The following IMMP2L variants were observed in gnomAD, a reference collection of about 807,000 sequenced individuals.
The protein encoded by IMMP2L is inner mitochondrial membrane peptidase subunit 2, also known as mitochondrial inner membrane protease subunit 2.
In IMMP2L, 18 loss-of-function variants were observed where a neutral mutation model predicts 19.3. The observed-to-expected ratio is 0.93, with a 90% confidence interval of 0.64 to 1.38. The LOEUF (loss-of-function observed/expected upper bound fraction) is 1.38. IMMP2L is among the 40% of genes most tolerant of loss of function. The pLI is 0.00. For synonymous variants in IMMP2L, 76 were observed against 73.0 expected (o/e 1.04, Z -0.21); for missense variants, 233 against 218.2 (o/e 1.07, Z -0.43).
At chr7:111,511,793 A>G (rs538363173) in intron 2 of IMMP2L, among the ~76,000 whole-genome samples, 1 of 151,984 alleles carries the variant, frequency 6.6e-6, no homozygotes, top group Non-Finnish European at 1.5e-5. Flanking sequence ...ACCCCACCCC[A>G]TCCCCCAACA....
At chr7:110,874,661 A>G (rs2129544212) in intron 5 of IMMP2L, among the ~76,000 whole-genome samples, 1 of 152,268 alleles carries the variant, frequency 6.6e-6, no homozygotes, top group South Asian at 2.1e-4. Flanking sequence ...TGACTATAAT[A>G]ACATCAGAAC....
chr7:111,158,673 G>A (rs761026168), intron 3 of IMMP2L, among the ~76,000 whole-genome samples: 55 of 152,070 alleles, frequency 3.6e-4, no homozygotes, highest in Non-Finnish European at 7.4e-4. Context: ...TTGCATATAC[G>A]TTTTTTCAAA....
At chr7:110,907,805 C>T (rs770983432) in intron 4 of IMMP2L, among the ~76,000 whole-genome samples, 2 of 152,078 alleles carry the variant, frequency 1.3e-5, no homozygotes, top group Non-Finnish European at 2.9e-5. Context: ...TGAAGGAGTA[C>T]TCAGATTTGC....
At chr7:111,399,904 G>A (rs1442343733) in intron 3 of IMMP2L, among the ~76,000 whole-genome samples, 1 of 152,056 alleles carries the variant, frequency 6.6e-6, no homozygotes, top group East Asian at 1.9e-4. Flanking sequence ...ATTATAAAGA[G>A]TAGTTTGACG....
intron 3 of IMMP2L, among the ~76,000 whole-genome samples, chr7:111,165,014 C>T (rs992557925): frequency 6.6e-6 from 1 of 151,966 alleles, no homozygotes; most frequent in Non-Finnish European, 1.5e-5. Flanking sequence ...CATTCATATC[C>T]AGAACTTTTT....
intron 3 of IMMP2L, among the ~76,000 whole-genome samples, chr7:111,136,426 T>C (rs1802353201): frequency 6.7e-6 from 1 of 148,188 alleles, no homozygotes; most frequent in Admixed American, 6.6e-5. Context: ...AATTCTATTT[T>C]AGAAATAAAA....
At chr7:111,316,845 C>CTTTTTTTTTTTTTTT (rs869155077) in intron 3 of IMMP2L, among the ~76,000 whole-genome samples, 11 of 75,890 alleles carry the variant, frequency 1.4e-4, no homozygotes, top group African/African-American at 2.5e-4. Flanking sequence ...TTTTTTTTTT[C>CTTTTTTTTTTTTTTT]TTTTTTTTTT....
At chr7:110,965,954 A>G (rs1278308626) in intron 3 of IMMP2L, among the ~76,000 whole-genome samples, 3 of 152,034 alleles carry the variant, frequency 2.0e-5, no homozygotes, top group African/African-American at 7.2e-5. Context: ...TCCTAATGAG[A>G]TGATTACGAA....
At chr7:111,124,446 C>T (rs1801037928) in intron 3 of IMMP2L, 1 of 1,613,650 alleles carries the variant, frequency 6.2e-7, no homozygotes, top group Admixed American at 1.7e-5. Context: ...CAGCCTTTGT[C>T]AAGACTGAAA....
chr7:110,963,777 C>T (rs1156286441), intron 3 of IMMP2L, among the ~76,000 whole-genome samples: 1 of 151,708 alleles, frequency 6.6e-6, no homozygotes, highest in Non-Finnish European at 1.5e-5. Context: ...GGGAAAAAAG[C>T]CATGTTAAAA....
chr7:110,844,767 G>C (rs2131479274), intron 5 of IMMP2L, among the ~76,000 whole-genome samples: 1 of 152,090 alleles, frequency 6.6e-6, no homozygotes, highest in Non-Finnish European at 1.5e-5. Context: ...GAAATGGCAA[G>C]GATGGACAGT....
chr7:111,343,801 C>A (rs1252793039), intron 3 of IMMP2L, among the ~76,000 whole-genome samples: 1 of 152,062 alleles, frequency 6.6e-6, no homozygotes, highest in Non-Finnish European at 1.5e-5. Context: ...CAGAAAGTAA[C>A]CTTGTGATCA....
intron 1 of IMMP2L, among the ~76,000 whole-genome samples, chr7:111,548,511 T>A (rs1345683045): frequency 1.3e-5 from 2 of 152,160 alleles, no homozygotes; most frequent in Non-Finnish European, 2.9e-5. Flanking sequence ...CAGAAGAAAG[T>A]AAATTAGTAT....
In IMMP2L at chr7:111,123,253, A is replaced by T; in HGVS notation, c.240-159688T>A. 6.2e-7 allele frequency: 1 copy of T among 1,613,874 alleles called. No homozygotes were observed. ...TTCTACAATTTCACCTGGAGCCTTT[A>T]TTGGCCTACATAATCTTCTTCGACT... is the stretch of plus-strand genomic sequence containing the variant. On this transcript the variant is annotated intron_variant, in intron 3 of 5. Transcript: ENST00000405709. The surrounding 1 kb of genome is among the most constrained non-coding windows in gnomAD (Gnocchi z 6.4).
chr7:111,205,633 AC>A (rs916314591), intron 3 of IMMP2L, among the ~76,000 whole-genome samples: 119 of 152,262 alleles, frequency 7.8e-4, no homozygotes, highest in Non-Finnish European at 9.6e-4. Flanking sequence ...GTAAAAAAAA[AC>A]ATTAAATAAA....
intron 3 of IMMP2L, among the ~76,000 whole-genome samples, chr7:111,267,244 T>C (rs1470503975): frequency 6.6e-6 from 1 of 152,086 alleles, no homozygotes; most frequent in Non-Finnish European, 1.5e-5. Flanking sequence ...GTCTCAAACA[T>C]ACCTTTTCTG....
intron 3 of IMMP2L, among the ~76,000 whole-genome samples, chr7:111,398,092 G>A (rs1024858448): frequency 6.6e-5 from 10 of 151,978 alleles, no homozygotes; most frequent in East Asian, 1.9e-4. Context: ...ATTTTAACAC[G>A]TCAAGTTTAA....
At chr7:110,935,852 T>C (rs1032809784) in intron 4 of IMMP2L, among the ~76,000 whole-genome samples, 1 of 152,046 alleles carries the variant, frequency 6.6e-6, no homozygotes, top group African/African-American at 2.4e-5. Flanking sequence ...AAAACAGATA[T>C]ATAGACCAAT....
chr7:111,063,324 C>T (rs1039193293), intron 3 of IMMP2L, among the ~76,000 whole-genome samples: 5 of 152,174 alleles, frequency 3.3e-5, no homozygotes, highest in African/African-American at 1.2e-4. Context: ...ATGCAGGGCA[C>T]CAAGTCCCTA....
Sources: gnomAD v4.1 joint callset for allele counts (sites outside exome capture counted in the v4.1 genomes callset) on GRCh38, gnomAD v4.1.1 for gene constraint, Gnocchi (gnomAD v3.1) non-coding constraint, MANE v1.5 for transcripts, NCBI Gene and HGNC (gene_info 2026-07-23, HGNC 2026-07-21) for gene names.